DMD: variants seen among roughly 807,000 people sequenced by gnomAD.
DMD encodes dystrophin.
A neutral mutation model predicts 330.1 loss-of-function variants in DMD; 63 were observed. The observed-to-expected ratio is 0.19, with a 90% CI of 0.16 to 0.24. The LOEUF is 0.24. Among genes scored for constraint, DMD ranks in the 10% least tolerant of loss-of-function variants. The pLI, the probability that DMD is intolerant of heterozygous loss-of-function variation, is 1.00. For synonymous variants in DMD, 1,223 were observed against 959.8 expected, an observed-to-expected ratio of 1.27 and a Z score of -5.07; for missense variants, 3,344 against 2,684.1, an observed-to-expected ratio of 1.25 and a Z score of -5.43.
At chrX:32,439,024 C>A (rs1386227984) in intron 28 of DMD, among the ~76,000 whole-genome samples, 2 of 111,371 alleles carry the variant, frequency 1.8e-5, no homozygotes, top group Non-Finnish European at 3.8e-5. Context: ...CCCAATAATA[C>A]CCATCTCCTA....
At chrX:33,043,298 T>TA (rs375058507) in intron 1 of DMD, among the ~76,000 whole-genome samples, 177 of 111,702 alleles carry the variant, frequency 1.6e-3, no homozygotes, top group African/African-American at 5.4e-3. Flanking sequence ...AGGCTTTTTT[T>TA]AGTAGCTTCA....
At chrX:33,023,838 T>C (rs1000944406) in intron 1 of DMD, among the ~76,000 whole-genome samples, 1 of 111,556 alleles carries the variant, frequency 9.0e-6, no homozygotes, top group Non-Finnish European at 1.9e-5. Flanking sequence ...TAGAGTTCAC[T>C]GACCTCCTTG....
intron 4 of DMD, among the ~76,000 whole-genome samples, chrX:32,843,641 G>A (rs1467841018): frequency 1.8e-5 from 2 of 112,201 alleles, no homozygotes; most frequent in Non-Finnish European, 3.8e-5. Flanking sequence ...TATTTTAAGA[G>A]TAAGTGATCA....
intron 45 of DMD, among the ~76,000 whole-genome samples, chrX:31,967,645 A>T (rs2095363702): frequency 9.0e-6 from 1 of 111,249 alleles, no homozygotes; most frequent in Admixed American, 9.6e-5. Context: ...ATAAAGGCCA[A>T]GTCTTCCTTT....
intron 69 of DMD, 106 bp from the exon 70 acceptor site, chrX:31,178,911 G>C: frequency 1.7e-5 from 17 of 1,002,249 alleles, no homozygotes; most frequent in East Asian, 3.2e-5. Flanking sequence ...ATTAAGGAGA[G>C]TGTTGTGGTT....
intron 43 of DMD, among the ~76,000 whole-genome samples, chrX:32,279,173 G>A (rs888078654): frequency 9.0e-5 from 10 of 111,571 alleles, no homozygotes; most frequent in African/African-American, 3.3e-4. Flanking sequence ...AAATGCTGGA[G>A]AGAGTGTGAA....
chrX:33,236,620 C>T (rs2052489803), intron 1 of DMD, among the ~76,000 whole-genome samples: 1 of 110,727 alleles, frequency 9.0e-6, no homozygotes, highest in Admixed American at 9.6e-5. Flanking sequence ...GGAACAGAGG[C>T]GTAAATAGCA....
At chrX:31,357,911 A>G (rs1346004832) in intron 60 of DMD, among the ~76,000 whole-genome samples, 1 of 112,182 alleles carries the variant, frequency 8.9e-6, no homozygotes, top group African/African-American at 3.2e-5. Context: ...TCTTCTTCGC[A>G]TATCATAAGC....
chrX:32,517,140 T>A (rs1359391816), intron 18 of DMD: 2 of 111,862 alleles, frequency 1.8e-5, no homozygotes, highest in Non-Finnish European at 3.8e-5. Context: ...ACTTCATGAT[T>A]TGAATCCTGG....
At chrX:31,759,650 A>T in intron 51 of DMD, among the ~76,000 whole-genome samples, 1 of 112,001 alleles carries the variant, frequency 8.9e-6, no homozygotes, top group Middle Eastern at 4.7e-3. Flanking sequence ...AGATTTTAAT[A>T]ATTAATCAAT....
chrX:32,562,443 G>C (rs777589055), intron 16 of DMD, among the ~76,000 whole-genome samples: 7 of 112,541 alleles, frequency 6.2e-5, no homozygotes, highest in Non-Finnish European at 1.1e-4. Context: ...CGCAAGCAGT[G>C]TTCTTTATAT....
intron 45 of DMD, among the ~76,000 whole-genome samples, chrX:31,935,517 T>G (rs750644010): frequency 4.5e-5 from 5 of 111,460 alleles, no homozygotes; most frequent in Non-Finnish European, 7.5e-5. Flanking sequence ...TTTGTTTAAA[T>G]GTTCCAAGCA....
chrX:32,324,347 CAT>C (rs760870342), intron 41 of DMD, among the ~76,000 whole-genome samples: 5 of 110,018 alleles, frequency 4.5e-5, no homozygotes, highest in African/African-American at 1.3e-4. Flanking sequence ...TTACAAGAAA[CAT>C]AAAAATACAA....
At chrX:32,533,896 A>G (rs1236804749) in intron 17 of DMD, among the ~76,000 whole-genome samples, 2 of 111,439 alleles carry the variant, frequency 1.8e-5, no homozygotes, top group Admixed American at 1.9e-4. Context: ...GGGTCTTTCA[A>G]GTTTAAATAA....
intron 48 of DMD, among the ~76,000 whole-genome samples, chrX:31,872,339 A>G (rs181837724): frequency 0.013 from 1,394 of 111,320 alleles, 9 homozygotes; most frequent in Non-Finnish European, 0.02. Flanking sequence ...AAAAGTGATT[A>G]ACACAGCCGA....
At chrX:32,479,019 TAAA>T (rs2041537397) in intron 21 of DMD, among the ~76,000 whole-genome samples, 1 of 111,760 alleles carries the variant, frequency 8.9e-6, no homozygotes, top group Non-Finnish European at 1.9e-5. Context: ...TGTGTAAGTA[TAAA>T]CTACCACACT....
intron 62 of DMD, among the ~76,000 whole-genome samples, chrX:31,309,722 A>C (rs988626454): frequency 1.8e-5 from 2 of 112,169 alleles, no homozygotes; most frequent in African/African-American, 3.2e-5. Flanking sequence ...TTTCCAAAAC[A>C]TCCATGTTAT....
intron 1 of DMD, among the ~76,000 whole-genome samples, chrX:33,050,123 A>T (rs1215246726): frequency 8.9e-6 from 1 of 112,085 alleles, no homozygotes; most frequent in Non-Finnish European, 1.9e-5. Context: ...GAAAAGAGTG[A>T]ATATTTATTC....
intron 43 of DMD, among the ~76,000 whole-genome samples, chrX:32,244,151 T>C (rs960901691): frequency 2.5e-4 from 22 of 88,521 alleles, no homozygotes; most frequent in African/African-American, 9.4e-4. Context: ...TTCCCCTTCC[T>C]GTGTCCATGT....
Sources: gnomAD v4.1 joint callset for allele counts (sites outside exome capture counted in the v4.1 genomes callset) on GRCh38, gnomAD v4.1.1 for gene constraint, MANE v1.5 for transcripts, NCBI Gene and HGNC (gene_info 2026-07-23, HGNC 2026-07-21) for gene names.